Variants in KCTD15 observed in about 807,000 individuals in gnomAD.
The protein encoded by KCTD15 is potassium channel tetramerization domain containing 15, also known as BTB/POZ domain-containing protein KCTD15.
Under a neutral mutation model 27.2 loss-of-function variants are expected in KCTD15, and 11 were observed. That is an observed-to-expected ratio of 0.41 (90% CI 0.25 to 0.67). The LOEUF (loss-of-function observed/expected upper bound fraction) is 0.67. Ranked by LOEUF, KCTD15 falls within the 30% of genes least tolerant of loss-of-function variation. KCTD15 has a pLI of 0.35. For missense variants in KCTD15, 350 were observed against 409.3 expected (o/e 0.86, Z 1.25); for synonymous variants, 163 against 176.0 (o/e 0.93, Z 0.58).
At chr19:33,799,853 G>T (rs1337684847) in intron 2 of KCTD15, 1 of 152,930 alleles carries the variant, frequency 6.5e-6, no homozygotes, top group Non-Finnish European at 1.5e-5. Context: ...CAGAGAAGAG[G>T]CGGCTTCCCA....
intron 5 of KCTD15, 48 bp from the exon 6 acceptor site, chr19:33,811,199 C>CCCCCCCAAA: frequency 3.0e-6 from 4 of 1,327,572 alleles, no homozygotes; most frequent in African/African-American, 1.5e-5. Flanking sequence ...CTTCCCCCAC[C>CCCCCCCAAA]ACCCCTACTC....
At chr19:33,812,446 G>GA (rs1975955784) in intron 6 of KCTD15, 2 of 1,088,712 alleles carry the variant, frequency 1.8e-6, no homozygotes, top group African/African-American at 3.3e-5. Flanking sequence ...CCATGTGTCT[G>GA]GAGAGAGGGC....
At chr19:33,802,930 G>A (rs1975604304) in intron 4 of KCTD15, among the ~76,000 whole-genome samples, 1 of 152,230 alleles carries the variant, frequency 6.6e-6, no homozygotes, top group Non-Finnish European at 1.5e-5. Flanking sequence ...TGGGCTCTTG[G>A]CTGCTGCCTG....
chr19:33,804,991 G>A (rs1975669117), intron 4 of KCTD15, among the ~76,000 whole-genome samples: 1 of 150,068 alleles, frequency 6.7e-6, no homozygotes, highest in South Asian at 2.1e-4. Context: ...TACGTGGTGT[G>A]ATCTCGGCTC....
chr19:33,813,292 C>T lies in KCTD15; in HGVS notation c.*344C>T. On this transcript the variant is annotated 3_prime_UTR_variant, in exon 7 of 7. Coordinates refer to ENST00000683859, the MANE Select transcript of KCTD15 (RefSeq NM_001129994.2). Reference sequence around the variant, plus strand: ...GCCGTCTGCAGCTACTTCAGAGGAGCTGTTTATCCCTCTCCACGCGGGGCA... The same window carrying T: ...GCCGTCTGCAGCTACTTCAGAGGAGTTGTTTATCCCTCTCCACGCGGGGCA... 3.5e-6 allele frequency: 2 copies of T among 567,458 alleles called. No homozygotes were observed. Among genetic ancestry groups the T allele is most frequent in the Non-Finnish European group, 6.7e-6 (2 of 299,846 alleles). The allele number at this position is 567,458 out of a possible 1,614,324, so 35.2% of individuals were successfully genotyped here. A position where few individuals can be genotyped will look rare whatever the true frequency, so the allele number is the denominator to read the frequency against.
In KCTD15 at chr19:33,813,590, C is replaced by T. The variant is rs933468115; in HGVS notation, c.*642C>T. On this transcript the variant is annotated 3_prime_UTR_variant, in exon 7 of 7. Transcript: ENST00000683859. ...GAGGAGAGTGGTGGGGGCCTGAGGG[C>T]TGAGTGATTCTGTAACCACCTGAGA... 1.8e-5 allele frequency: 6 copies of T among 338,578 alleles called. No homozygotes were observed. Among genetic ancestry groups the T allele is most frequent in the Admixed American group, 8.2e-5 (2 of 24,300 alleles). The allele number at this position is 338,578 out of a possible 1,614,324, so 21.0% of individuals were successfully genotyped here.
intron 5 of KCTD15, among the ~76,000 whole-genome samples, chr19:33,808,854 G>T (rs1393792417): frequency 6.6e-6 from 1 of 152,192 alleles, no homozygotes; most frequent in African/African-American, 2.4e-5. Context: ...CTTCTGTTTA[G>T]TACAGGCACA....
Position 33,803,387 on chromosome 19 carries a change from G to A in KCTD15, c.242+2045G>A, listed in dbSNP as rs1975621876. Reference sequence around the variant, plus strand: ...TTCTGGAAAAAATCAATCTCACCTAGTGTCACTGATCTAGGAGACACCTGG... The same window carrying A: ...TTCTGGAAAAAATCAATCTCACCTAATGTCACTGATCTAGGAGACACCTGG... On this transcript the variant is annotated intron_variant, in intron 4 of 6. Transcript: ENST00000683859. 1.3e-5 allele frequency among the ~76,000 whole-genome samples: 2 copies of A among 152,248 alleles called. 1 individual carries two copies. Among genetic ancestry groups the A allele is most frequent in the Admixed American group, 1.3e-4 (2 of 15,292 alleles).
At position 33,812,927 on chromosome 19, in the gene KCTD15, C is replaced by T. The variant is rs1235152702; in HGVS notation, c.831C>T (p.Ile277=). The T allele has an allele frequency of 6.5e-7, 1 of 1,548,868 alleles. No individual in the cohort carries two copies. Among genetic ancestry groups the T allele is most frequent in the East Asian group, 2.4e-5 (1 of 40,896 alleles). The change falls in exon 7 of 7, where the codon ATC becomes ATT. Residue 277 remains isoleucine, a synonymous_variant. Transcript: ENST00000683859. ...AGCCCACCCCCACTGCTGTTCGAATCAAGCAGGAACCCCTGGACTAGGCCC... is the reference window on the plus strand; with the variant it reads ...AGCCCACCCCCACTGCTGTTCGAATTAAGCAGGAACCCCTGGACTAGGCCC... The part of the protein sequence containing the change: ...RPQPTPTAVR[I]KQEPLD
At chr19:33,805,211 G>A (rs768221280) in intron 4 of KCTD15, among the ~76,000 whole-genome samples, 4 of 152,064 alleles carry the variant, frequency 2.6e-5, no homozygotes, top group Non-Finnish European at 5.9e-5. Context: ...TGTGAGCCAC[G>A]GTGCCCAGCT....
chr19:33,805,931 C>A (rs982696010), intron 4 of KCTD15, among the ~76,000 whole-genome samples: 1 of 152,222 alleles, frequency 6.6e-6, no homozygotes, highest in Non-Finnish European at 1.5e-5. Context: ...TCCCCAAGAC[C>A]CTTCTCCTGG....
chr19:33,814,672 G>C lies in KCTD15; in HGVS notation c.*1724G>C, dbSNP rs1413106042. 6.6e-6 allele frequency: 1 copy of C among 152,266 alleles called. No individual in the cohort carries two copies. The highest frequency in any genetic ancestry group is 1.5e-5 in the Non-Finnish European group (1 of 68,070). The allele number at this position is 152,266 out of a possible 1,614,324, so 9.4% of individuals were successfully genotyped here. On this transcript the variant is annotated 3_prime_UTR_variant, in exon 7 of 7. Coordinates refer to ENST00000683859, the MANE Select transcript of KCTD15 (RefSeq NM_001129994.2). ...CAGGGGGCACCAAGTCATGCAGCCA[G>C]CGTGAGACCTGCAGTTCACCTAAGC...
chr19:33,794,835 G>A (rs1300952644), upstream of KCTD15, among the ~76,000 whole-genome samples: 2 of 152,276 alleles, frequency 1.3e-5, no homozygotes, highest in Non-Finnish European at 2.9e-5. Flanking sequence ...CCTATGTCGT[G>A]CTTGGGACAG....
chr19:33,814,623 G>A lies in KCTD15; in HGVS notation c.*1675G>A, dbSNP rs1322446396. On this transcript the variant is annotated 3_prime_UTR_variant, in exon 7 of 7. Transcript: ENST00000683859. ...GACCCCCACGTAATGGTATGAGAAG[G>A]TGGCAGGCAGTGGCTCAGCCAGCCA... 6.6e-6 allele frequency: 1 copy of A among 152,210 alleles called. No individual in the cohort carries two copies. The highest frequency in any genetic ancestry group is 1.5e-5 in the Non-Finnish European group (1 of 68,054). The allele number at this position is 152,210 out of a possible 1,614,324, so 9.4% of individuals were successfully genotyped here.
intron 6 of KCTD15, chr19:33,811,853 T>G (rs751349701): frequency 6.2e-7 from 1 of 1,604,330 alleles, no homozygotes; most frequent in Non-Finnish European, 8.5e-7. Flanking sequence ...ACACCCAGAG[T>G]CTGACTTTGG....
Position 33,813,211 on chromosome 19 carries a change from C to A in KCTD15, c.*263C>A, listed in dbSNP as rs1378796696. On this transcript the variant is annotated 3_prime_UTR_variant, in exon 7 of 7. Coordinates refer to ENST00000683859, the MANE Select transcript of KCTD15 (RefSeq NM_001129994.2). ...CAGCTCTCCCAGCCCCTCAGCTTCG[C>A]AGCCTGGCGCAGCATCCTCTGAGGC... The A allele has an allele frequency of 2.8e-4, 177 of 630,364 alleles. 1 individual carries two copies. In the East Asian group the frequency reaches 5.1e-3, roughly 18 times the overall value. 39.0% of individuals were successfully genotyped at this position (630,364 alleles called of 1,614,324 possible).
intron 1 of KCTD15, among the ~76,000 whole-genome samples, chr19:33,797,623 C>A (rs1318152995): frequency 1.3e-5 from 2 of 152,106 alleles, no homozygotes; most frequent in African/African-American, 4.8e-5. Flanking sequence ...CCCGCACCCC[C>A]TGACCTGGAC....
At chr19:33,802,639 CG>C (rs1190153305) in intron 4 of KCTD15, among the ~76,000 whole-genome samples, 1 of 151,944 alleles carries the variant, frequency 6.6e-6, no homozygotes, top group Non-Finnish European at 1.5e-5. Flanking sequence ...ACAAGAGCCA[CG>C]GGGCCAGGTC....
chr19:33,806,763 C>T (rs1042327139), intron 4 of KCTD15, 100 bp from the exon 5 acceptor site: 29 of 1,403,758 alleles, frequency 2.1e-5, no homozygotes, highest in Non-Finnish European at 2.7e-5. Context: ...TCCCTCGCCC[C>T]TCCAGCCGTG....
Sources: gnomAD v4.1 joint callset for allele counts (sites outside exome capture counted in the v4.1 genomes callset) on GRCh38, gnomAD v4.1.1 for gene constraint, MANE v1.5 for transcripts, NCBI Gene and HGNC (gene_info 2026-07-23, HGNC 2026-07-21) for gene names.